Variants in SLC4A4 observed in about 807,000 individuals in gnomAD.
SLC4A4 encodes the protein solute carrier family 4 member 4.
Under a neutral mutation model 111.5 loss-of-function variants are expected in SLC4A4, and 27 were observed. The observed-to-expected ratio is 0.24, with a 90% CI of 0.18 to 0.33. The LOEUF is 0.33. Ranked by LOEUF, SLC4A4 falls within the 10% of genes least tolerant of loss-of-function variation. The pLI is 1.00. For missense variants in SLC4A4, 909 were observed against 1,315.5 expected, an observed-to-expected ratio of 0.69 and a Z score of 4.78; for synonymous variants, 443 against 463.4, an observed-to-expected ratio of 0.96 and a Z score of 0.57.
chr4:71,234,456 C>T (rs1270210545), intron 1 of SLC4A4, among the ~76,000 whole-genome samples: 2 of 152,202 alleles, frequency 1.3e-5, no homozygotes, highest in African/African-American at 2.4e-5. Context: ...GACGGAGTCT[C>T]ACTCTTTCGC....
At chr4:71,473,365 G>T in intron 14 of SLC4A4, 1 of 462,564 alleles carries the variant, frequency 2.2e-6, no homozygotes, top group Middle Eastern at 5.8e-4. Context: ...CTTCCTTTAA[G>T]TAAACCTTTA....
chr4:71,116,844 G>A (rs1447359099), intron 2 of SLC4A4, among the ~76,000 whole-genome samples: 5 of 151,972 alleles, frequency 3.3e-5, no homozygotes, highest in Non-Finnish European at 5.9e-5. Context: ...TGAGGAGGCT[G>A]AGGCAGAAGA....
intron 2 of SLC4A4, among the ~76,000 whole-genome samples, chr4:71,148,552 C>T (rs538513074): frequency 1.8e-4 from 27 of 152,204 alleles, no homozygotes; most frequent in Non-Finnish European, 5.9e-5. Flanking sequence ...TCCTCTCATC[C>T]TCCACTCTCT....
At chr4:71,120,796 C>T (rs1197187721) in intron 2 of SLC4A4, among the ~76,000 whole-genome samples, 1 of 152,196 alleles carries the variant, frequency 6.6e-6, no homozygotes, top group African/African-American at 2.4e-5. Context: ...TCACTCTTGG[C>T]ACCTCCTCGG....
At chr4:71,071,013 A>G (rs1197598100) in intron 1 of SLC4A4, among the ~76,000 whole-genome samples, 13 of 152,260 alleles carry the variant, frequency 8.5e-5, no homozygotes, top group African/African-American at 3.1e-4. Flanking sequence ...GCTCACGCCT[A>G]TTATCCCAGC....
At chr4:71,474,928 T>C (rs1230028563) in intron 14 of SLC4A4, among the ~76,000 whole-genome samples, 2 of 151,716 alleles carry the variant, frequency 1.3e-5, no homozygotes, top group African/African-American at 2.4e-5. Context: ...ACACAGATGT[T>C]ATTGTCACTC....
chr4:71,300,191 G>T (rs961083520), intron 3 of SLC4A4: 2 of 166,804 alleles, frequency 1.2e-5, no homozygotes, highest in Admixed American at 6.2e-5. Context: ...AGGGAAGCCT[G>T]GGAGGGGGCT....
intron 1 of SLC4A4, among the ~76,000 whole-genome samples, chr4:71,223,422 C>A (rs1718867551): frequency 6.6e-6 from 1 of 152,128 alleles, no homozygotes. Flanking sequence ...CTCGGCCTCC[C>A]AAAGTGCTGG....
Position 71,493,604 on chromosome 4 carries a change from T to C in SLC4A4, c.1975-3897T>C, listed in dbSNP as rs192657997. Among the ~76,000 whole-genome samples, 236 of 152,060 alleles carry C rather than the reference T, an allele frequency of 1.6e-3. 1 individual carries two copies. The highest frequency in any genetic ancestry group is 1.4e-3 in the Non-Finnish European group (94 of 67,914). On this transcript the variant is annotated intron_variant, in intron 15 of 25. Transcript: ENST00000264485. ...ATCATTTTTAGCTTTTATCCATCCT[T>C]AGTCAAAACAGTTACTAAGTCCTGG...
chr4:71,242,518 A>G (rs892035660), intron 2 of SLC4A4, among the ~76,000 whole-genome samples: 9 of 152,120 alleles, frequency 5.9e-5, no homozygotes, highest in Non-Finnish European at 1.2e-4. Flanking sequence ...AAATGGGAGC[A>G]ATGGAGCATG....
chr4:71,125,655 T>A (rs763014607), intron 2 of SLC4A4, among the ~76,000 whole-genome samples: 1 of 152,208 alleles, frequency 6.6e-6, no homozygotes, highest in Non-Finnish European at 1.5e-5. Context: ...CATCTTATAT[T>A]TAATAATAAA....
At chr4:71,075,336 A>G (rs1285659407) in intron 1 of SLC4A4, among the ~76,000 whole-genome samples, 1 of 152,220 alleles carries the variant, frequency 6.6e-6, no homozygotes, top group Non-Finnish European at 1.5e-5. Flanking sequence ...ATTTCATCCC[A>G]GATGGACATA....
At chr4:71,426,629 C>T (rs1298548268) in intron 7 of SLC4A4, among the ~76,000 whole-genome samples, 1 of 152,090 alleles carries the variant, frequency 6.6e-6, no homozygotes, top group Non-Finnish European at 1.5e-5. Context: ...CAAAACTGTC[C>T]CAGTGATAAA....
intron 3 of SLC4A4, among the ~76,000 whole-genome samples, chr4:71,309,941 G>T (rs925259241): frequency 1.3e-5 from 2 of 151,824 alleles, no homozygotes; most frequent in African/African-American, 4.8e-5. Flanking sequence ...CTTGACAAAA[G>T]GTTACAGGAA....
intron 1 of SLC4A4, among the ~76,000 whole-genome samples, chr4:71,195,420 C>T (rs75835097): frequency 0.01 from 1,530 of 152,050 alleles, 12 homozygotes; most frequent in South Asian, 0.026. Context: ...GTGTGCTTGA[C>T]GCAAATGTGG....
chr4:71,428,890 G>T (rs1034543516), intron 7 of SLC4A4, among the ~76,000 whole-genome samples: 9 of 152,044 alleles, frequency 5.9e-5, no homozygotes, highest in African/African-American at 2.2e-4. Context: ...AAGTTTAGAT[G>T]ATGTTATAAT....
intron 1 of SLC4A4, among the ~76,000 whole-genome samples, chr4:71,196,863 A>G (rs1482742751): frequency 7.2e-6 from 1 of 138,102 alleles, no homozygotes; most frequent in East Asian, 2.2e-4. Context: ...AAAAAAAAAA[A>G]AAAAAAAAAA....
intron 17 of SLC4A4, 77 bp from the exon 18 acceptor site, chr4:71,534,150 C>T: frequency 8.3e-7 from 1 of 1,202,170 alleles, no homozygotes; most frequent in Non-Finnish European, 1.2e-6. Flanking sequence ...AAAAGCATGT[C>T]TTCCCGTTGG....
At chr4:71,411,571 C>T (rs1721365666) in intron 7 of SLC4A4, among the ~76,000 whole-genome samples, 1 of 152,088 alleles carries the variant, frequency 6.6e-6, no homozygotes, top group Non-Finnish European at 1.5e-5. Context: ...TGGACCATAG[C>T]CTGCCAGTAA....
Sources: gnomAD v4.1 joint callset for allele counts (sites outside exome capture counted in the v4.1 genomes callset) on GRCh38, gnomAD v4.1.1 for gene constraint, MANE v1.5 for transcripts, NCBI Gene and HGNC (gene_info 2026-07-23, HGNC 2026-07-21) for gene names.